Variants in KDM3B observed in about 807,000 individuals in gnomAD.
The protein encoded by KDM3B is lysine-specific demethylase 3B.
In KDM3B, 10 loss-of-function variants were observed where a neutral mutation model predicts 170.0. The ratio of observed to expected loss-of-function variants is 0.06; its 90% CI spans 0.04 to 0.10. The LOEUF is 0.10. KDM3B is among the 10% of genes least tolerant of loss of function. KDM3B has a pLI of 1.00. For missense variants in KDM3B, 1,394 were observed against 2,195.2 expected, an observed-to-expected ratio of 0.64 and a Z score of 7.29; for synonymous variants, 831 against 834.8, an observed-to-expected ratio of 1.00 and a Z score of 0.08.
chr5:138,382,412 A>G (rs1239603619), intron 6 of KDM3B, among the ~76,000 whole-genome samples: 2 of 152,138 alleles, frequency 1.3e-5, no homozygotes, highest in African/African-American at 4.8e-5. Flanking sequence ...AGATCGCACC[A>G]TTGCACTCCA....
At chr5:138,408,518 A>G (rs960130488) in intron 11 of KDM3B, among the ~76,000 whole-genome samples, 6 of 152,124 alleles carry the variant, frequency 3.9e-5, no homozygotes, top group African/African-American at 1.4e-4. Context: ...AATACCAATT[A>G]TACACACAGT....
chr5:138,415,139 A>G lies in KDM3B; in HGVS notation c.3207A>G (p.Glu1069=), dbSNP rs773063133. The G allele has an allele frequency of 1.0e-5, 16 of 1,595,712 alleles. No homozygotes were observed. Among genetic ancestry groups the G allele is most frequent in the Non-Finnish European group, 1.3e-5 (15 of 1,166,432 alleles). ...AAATCATTTCTATTTCAGAGACAGA[A>G]GAGATGGGTGATGAAGAAGTTTTCT... ...LRKSRPRSET[E]EMGDEEVFSW... The change falls in exon 12 of 24, where the codon GAA becomes GAG. Residue 1069 remains glutamate (E), a synonymous_variant. Coordinates refer to ENST00000314358, the MANE Select transcript of KDM3B (RefSeq NM_016604.4).
intron 11 of KDM3B, among the ~76,000 whole-genome samples, chr5:138,410,090 GA>G (rs1267249170): frequency 8.7e-6 from 1 of 114,834 alleles, no homozygotes; most frequent in African/African-American, 3.5e-5. Context: ...CTTCTTAAAA[GA>G]AAAAAAGAAA....
intron 3 of KDM3B, among the ~76,000 whole-genome samples, chr5:138,376,911 G>A (rs1762014197): frequency 6.6e-6 from 1 of 152,050 alleles, no homozygotes; most frequent in Non-Finnish European, 1.5e-5. Flanking sequence ...CAGAATTTAG[G>A]GAAATGTATT....
At chr5:138,368,761 G>A (rs1761806565) in intron 1 of KDM3B, among the ~76,000 whole-genome samples, 1 of 152,070 alleles carries the variant, frequency 6.6e-6, no homozygotes, top group South Asian at 2.1e-4. Context: ...TGTAGTACAG[G>A]GTTGTTTCAG....
chr5:138,435,598 C>G, intron 23 of KDM3B, 22 bp from the exon 24 acceptor site: 1 of 1,603,582 alleles, frequency 6.2e-7, no homozygotes, highest in Non-Finnish European at 8.5e-7. Context: ...TGTGAACTGA[C>G]TTTGCTGTAC....
At chr5:138,378,353 T>A (rs989389186) in intron 4 of KDM3B, among the ~76,000 whole-genome samples, 1 of 152,180 alleles carries the variant, frequency 6.6e-6, no homozygotes, top group Non-Finnish European at 1.5e-5. Flanking sequence ...AACTAAAAAC[T>A]TAACACCAAC....
At chr5:138,419,688 TACATATATATATACAC>T (rs1763212196) in intron 14 of KDM3B, among the ~76,000 whole-genome samples, 1 of 119,112 alleles carries the variant, frequency 8.4e-6, no homozygotes, top group African/African-American at 3.3e-5. Flanking sequence ...TATATATATA[TACATATATATATACAC>T]ACACACATAT....
At position 138,434,199 on chromosome 5, in the gene KDM3B, G is replaced by T. The variant is rs1171163796; in HGVS notation, c.5206-1421G>T. Among the ~76,000 whole-genome samples the T allele has an allele frequency of 2.0e-5, 3 of 151,994 alleles. No individual in the cohort carries two copies. In the South Asian group the frequency reaches 6.2e-4, roughly 31 times the overall value. Reference sequence around the variant, plus strand: ...TGAGCCCAGGAGTTTTGAAGCTCTCGTGACCTATGATCACCCCACTACACT... The same window carrying T: ...TGAGCCCAGGAGTTTTGAAGCTCTCTTGACCTATGATCACCCCACTACACT... On this transcript the variant is annotated intron_variant, in intron 23 of 23. Coordinates refer to ENST00000314358, the MANE Select transcript of KDM3B (RefSeq NM_016604.4).
At chr5:138,395,831 T>C (rs1403052299) in intron 9 of KDM3B, among the ~76,000 whole-genome samples, 6 of 152,046 alleles carry the variant, frequency 3.9e-5, no homozygotes, top group Admixed American at 1.3e-4. Flanking sequence ...TTGGCCAGGC[T>C]GGTCTTGAAC....
At chr5:138,385,986 G>A (rs771599913) in intron 6 of KDM3B, 36 bp from the exon 7 acceptor site, 5 of 1,557,774 alleles carry the variant, frequency 3.2e-6, no homozygotes, top group Non-Finnish European at 4.3e-6. Context: ...CAGGATGAAA[G>A]TTTCCTTGTA....
chr5:138,401,804 T>C (rs909208871), intron 11 of KDM3B, among the ~76,000 whole-genome samples: 1 of 152,226 alleles, frequency 6.6e-6, no homozygotes, highest in East Asian at 1.9e-4. Context: ...TTTTTTGTTA[T>C]AGCCATCACA....
In KDM3B at chr5:138,436,774, T is replaced by A. The variant is rs1259769682; in HGVS notation, c.*1074T>A. 6.6e-6 allele frequency: 1 copy of A among 152,212 alleles called. No individual in the cohort carries two copies. The highest frequency in any genetic ancestry group is 2.4e-5 in the African/African-American group (1 of 41,466). The allele number at this position is 152,212 out of a possible 1,614,324, so 9.4% of individuals were successfully genotyped here. ...AATATTTTCAGCAAAACTTTCCAACTGAGTGGAGTCTGATTAAGGATTTAT... is the reference window on the plus strand; with the variant it reads ...AATATTTTCAGCAAAACTTTCCAACAGAGTGGAGTCTGATTAAGGATTTAT... On this transcript the variant is annotated 3_prime_UTR_variant, in exon 24 of 24. Transcript: ENST00000314358.
Position 138,386,005 on chromosome 5 carries a change from T to C in KDM3B, c.781-17T>C, listed in dbSNP as rs775844434. The stretch of plus-strand genomic sequence containing the variant: ...ATGAAAGTTTCCTTGTAATCTTTTT[T>C]GAATTTTGTTTTGTAGGGGGGTACG... On this transcript the variant is annotated splice_polypyrimidine_tract_variant and intron_variant, in intron 6 of 23. Coordinates refer to ENST00000314358, the MANE Select transcript of KDM3B (RefSeq NM_016604.4). 1.0e-4 allele frequency: 164 copies of C among 1,572,042 alleles called. No individual in the cohort carries two copies. The highest frequency in any genetic ancestry group is 3.8e-5 in the Admixed American group (2 of 52,174).
chr5:138,352,707 G>A lies in KDM3B; in HGVS notation c.-89G>A. 2 of 1,046,216 alleles carry A rather than the reference G, an allele frequency of 1.9e-6. No homozygotes were observed. Among genetic ancestry groups the A allele is most frequent in the Non-Finnish European group, 2.4e-6 (2 of 837,456 alleles). 64.8% of individuals were successfully genotyped at this position (1,046,216 alleles called of 1,614,324 possible). A position where few individuals can be genotyped will look rare whatever the true frequency, so the allele number is the denominator to read the frequency against. ...GGGGAACGGCGGCCGCGGGTGGTGCGGAGGGAGGCCTTGCGGGCGGATCGG... is the reference window on the plus strand; with the variant it reads ...GGGGAACGGCGGCCGCGGGTGGTGCAGAGGGAGGCCTTGCGGGCGGATCGG... On this transcript the variant is annotated 5_prime_UTR_variant, in exon 1 of 24. Coordinates refer to ENST00000314358, the MANE Select transcript of KDM3B (RefSeq NM_016604.4).
At position 138,420,743 on chromosome 5, in the gene KDM3B, T is replaced by C; in HGVS notation, c.3753T>C (p.Ser1251=). ...GSLRSVLNKE[S]HSPFGLDSFN... is the part of the protein sequence containing the mutation. ...TGAGGTCGGTGCTCAATAAAGAGTC[T>C]CATTCACCCTTTGGGCTGGACTCGT... The change falls in exon 15 of 24, where the codon TCT becomes TCC. Residue 1251 remains serine, a synonymous_variant. Coordinates refer to ENST00000314358, the MANE Select transcript of KDM3B (RefSeq NM_016604.4). 2.5e-6 allele frequency: 4 copies of C among 1,614,136 alleles called. No homozygotes were observed. The highest frequency in any genetic ancestry group is 2.2e-5 in the East Asian group (1 of 44,874).
In KDM3B at chr5:138,352,913, C is replaced by T; in HGVS notation, c.118C>T (p.Pro40Ser). 1.5e-6 allele frequency: 2 copies of T among 1,363,702 alleles called. No individual in the cohort carries two copies. The highest frequency in any genetic ancestry group is 1.5e-5 in the African/African-American group (1 of 65,740). The allele number at this position is 1,363,702 out of a possible 1,614,324, so 84.5% of individuals were successfully genotyped here. ...GGCAGCGGCGAGCGGAGATCCGGGG[C>T]CTGCGCTGCGCACTCGAGCCTGGCG... is the stretch of plus-strand genomic sequence containing the variant. ...AAAAASGDPG[P>S]ALRTRAWRAG... The change falls in exon 1 of 24, where the codon CCT becomes TCT. Residue 40 changes from proline to serine, a missense_variant. Pro to Ser is a moderately conservative substitution (Grantham distance 74, BLOSUM62 -1). This residue lies in a region of KDM3B where 99 missense variants were observed against 97.5 expected (regional missense o/e 1.02). Transcript: ENST00000314358.
chr5:138,393,648 T>C (rs1164741425), intron 9 of KDM3B, among the ~76,000 whole-genome samples: 1 of 152,240 alleles, frequency 6.6e-6, no homozygotes, highest in Non-Finnish European at 1.5e-5. Context: ...GGGTTGGTTC[T>C]ATTTGAAACC....
chr5:138,398,171 G>GTC lies in KDM3B; in HGVS notation c.2832-4_2832-3dup, dbSNP rs1762594074. ...TGCGATTTACCATGTATTTGATCAT[G>GTC]TCTCAGGTTGATCTTCACTCGAAAA... On this transcript the variant is annotated splice_polypyrimidine_tract_variant and splice_region_variant and intron_variant, in intron 9 of 23. Transcript: ENST00000314358. 1 of 1,606,982 alleles carries GTC rather than the reference G, an allele frequency of 6.2e-7. No homozygotes were observed. Among genetic ancestry groups the GTC allele is most frequent in the African/African-American group, 1.3e-5 (1 of 74,814 alleles).
Sources: allele counts gnomAD v4.1 joint callset (sites outside exome capture counted in the v4.1 genomes callset), GRCh38; gene constraint gnomAD v4.1.1; regional missense constraint gnomAD v4.1.1; transcripts MANE v1.5; gene names NCBI Gene and HGNC (gene_info 2026-07-23, HGNC 2026-07-21).